The following FRAS1 variants were observed in gnomAD, a reference collection of about 807,000 sequenced individuals.
FRAS1 encodes extracellular matrix organizing protein FRAS1.
FRAS1 carries 290 observed loss-of-function variants against 435.2 expected under a neutral mutation model. The observed-to-expected ratio is 0.67, with a 90% CI of 0.61 to 0.73. The LOEUF is 0.73. FRAS1 is among the 30% of genes least tolerant of loss of function. The pLI is 0.00. For missense variants in FRAS1, 4,860 were observed against 5,001.5 expected (o/e 0.97, Z 0.85); for synonymous variants, 1,800 against 1,851.0 (o/e 0.97, Z 0.71).
chr4:78,371,245 A>G (rs375924852), intron 23 of FRAS1, among the ~76,000 whole-genome samples: 4 of 152,268 alleles, frequency 2.6e-5, no homozygotes, highest in African/African-American at 9.6e-5. Context: ...TGATTCAGCT[A>G]AATAAAGGAA....
intron 10 of FRAS1, among the ~76,000 whole-genome samples, chr4:78,279,941 T>C (rs1322007025): frequency 2.0e-5 from 3 of 152,192 alleles, no homozygotes; most frequent in African/African-American, 4.8e-5. Context: ...CTGTTCATGT[T>C]TTCCACCGAC....
At chr4:78,456,632 C>T (rs939728752) in intron 47 of FRAS1, among the ~76,000 whole-genome samples, 5 of 152,082 alleles carry the variant, frequency 3.3e-5, no homozygotes, top group South Asian at 4.1e-4. Context: ...AGGGATAGGG[C>T]GTTTGGTTGT....
At chr4:78,059,344 T>C (rs1188202801) in intron 1 of FRAS1, among the ~76,000 whole-genome samples, 1 of 152,074 alleles carries the variant, frequency 6.6e-6, no homozygotes, top group Non-Finnish European at 1.5e-5. Context: ...TGGGGGACTT[T>C]CCCGTGGGTC....
chr4:78,143,278 A>T (rs988076625), intron 2 of FRAS1, among the ~76,000 whole-genome samples: 1 of 152,346 alleles, frequency 6.6e-6, no homozygotes, highest in South Asian at 2.1e-4. Context: ...CAATCCACTA[A>T]GAAGATGTAC....
intron 1 of FRAS1, among the ~76,000 whole-genome samples, 172 bp downstream of exon 1, chr4:78,058,257 A>C (rs1739572426): frequency 2.0e-5 from 3 of 152,054 alleles, no homozygotes. Context: ...TTTTTCTGAT[A>C]AGATTCCTAC....
chr4:78,119,066 A>G (rs1362032057), intron 2 of FRAS1, among the ~76,000 whole-genome samples: 5 of 152,178 alleles, frequency 3.3e-5, no homozygotes, highest in Non-Finnish European at 7.3e-5. Flanking sequence ...TGTTCTTTTA[A>G]AAAAATAATT....
At chr4:78,487,012 G>A (rs1720191261) in intron 58 of FRAS1, among the ~76,000 whole-genome samples, 1 of 152,120 alleles carries the variant, frequency 6.6e-6, no homozygotes, top group African/African-American at 2.4e-5. Context: ...TGTCAGGCCA[G>A]CAAGAAAAAA....
intron 2 of FRAS1, among the ~76,000 whole-genome samples, chr4:78,116,174 A>T (rs1275327282): frequency 6.6e-6 from 1 of 152,150 alleles, no homozygotes; most frequent in Admixed American, 6.6e-5. Flanking sequence ...TTCTAGTTTG[A>T]TTGCCCTGTG....
At chr4:78,295,323 A>G (rs561751304) in intron 14 of FRAS1, among the ~76,000 whole-genome samples, 2 of 152,336 alleles carry the variant, frequency 1.3e-5, no homozygotes, top group East Asian at 3.9e-4. Context: ...GTAACATATT[A>G]TACTCTTTTA....
At chr4:78,454,155 G>A (rs941257620) in intron 47 of FRAS1, among the ~76,000 whole-genome samples, 8 of 146,928 alleles carry the variant, frequency 5.4e-5, no homozygotes, top group African/African-American at 1.8e-4. Context: ...AAGCCAGGTA[G>A]CTGGCCACGC....
At position 78,250,100 on chromosome 4, in the gene FRAS1, TAAATGACTCATTAGATATTTTAAACAA is replaced by T. The variant is rs1725463389; in HGVS notation, c.310-2291_310-2265del. On this transcript the variant is annotated intron_variant, in intron 4 of 73. Transcript: ENST00000512123. Reference sequence around the variant, plus strand: ...ACATTAATTTTGACTTTAAGATATATAAATGACTCATTAGATATTTTAAACAATAATTTGCTTTCTGATGACAAAAAA... The same window carrying T: ...ACATTAATTTTGACTTTAAGATATATTAATTTGCTTTCTGATGACAAAAAA... 5.9e-5 allele frequency among the ~76,000 whole-genome samples: 9 copies of T among 152,190 alleles called. No homozygotes were observed. The South Asian group carries it at 1.9e-3, about 32-fold the overall frequency.
chr4:78,483,770 C>A (rs112196875), intron 58 of FRAS1, among the ~76,000 whole-genome samples: 16,211 of 39,178 alleles, frequency 0.41, 2,783 homozygotes, highest in East Asian at 0.57. Context: ...AAAAAAAACT[C>A]TCTCTCTCTC....
intron 59 of FRAS1, among the ~76,000 whole-genome samples, chr4:78,493,653 C>G (rs1720431120): frequency 6.6e-6 from 1 of 151,810 alleles, no homozygotes; most frequent in Non-Finnish European, 1.5e-5. Flanking sequence ...CGGGGCCTGT[C>G]TGGGTGGTGG....
intron 70 of FRAS1, among the ~76,000 whole-genome samples, chr4:78,526,924 G>A (rs1721552346): frequency 6.6e-6 from 1 of 151,966 alleles, no homozygotes; most frequent in Admixed American, 6.6e-5. Context: ...CATGTTTTTT[G>A]CATTTTTGTG....
intron 27 of FRAS1, among the ~76,000 whole-genome samples, chr4:78,381,369 T>C (rs1732009132): frequency 6.6e-6 from 1 of 152,206 alleles, no homozygotes. Flanking sequence ...AGTGGCACGA[T>C]CTTGGCTCAC....
Position 78,354,706 on chromosome 4 carries a change from C to G in FRAS1, c.2423-8807C>G, listed in dbSNP as rs145781328. Reference sequence around the variant, plus strand: ...CACTTAATGTCGTTGCATTAAGAACCTAATGGACTGACAGGACATTATTAA... The same window carrying G: ...CACTTAATGTCGTTGCATTAAGAACGTAATGGACTGACAGGACATTATTAA... On this transcript the variant is annotated intron_variant, in intron 20 of 73. Transcript: ENST00000512123. Among the ~76,000 whole-genome samples, 58 of 152,282 alleles carry G rather than the reference C, an allele frequency of 3.8e-4. No homozygotes were observed. In the East Asian group the frequency reaches 0.011, roughly 29 times the overall value.
At chr4:78,285,730 G>C (rs534435083) in intron 13 of FRAS1, among the ~76,000 whole-genome samples, 4 of 152,024 alleles carry the variant, frequency 2.6e-5, no homozygotes, top group Admixed American at 2.6e-4. Flanking sequence ...CTGCCACCTG[G>C]TATCTTCCAC....
intron 51 of FRAS1, among the ~76,000 whole-genome samples, chr4:78,471,045 G>A (rs991714011): frequency 6.6e-6 from 1 of 152,188 alleles, no homozygotes; most frequent in Admixed American, 6.5e-5. Flanking sequence ...AATATCGAGT[G>A]TCTACCATAA....
chr4:78,284,549 G>T lies in FRAS1; in HGVS notation c.1399+1G>T. Reference sequence around the variant, plus strand: ...TACCAAGCTGGCAGTCTCTGTTTAGGTATGGCTCCAAGTGGACAACCCAGA... The same window carrying T: ...TACCAAGCTGGCAGTCTCTGTTTAGTTATGGCTCCAAGTGGACAACCCAGA... On this transcript the variant is annotated splice_donor_variant, in intron 13 of 73. Transcript: ENST00000512123. LOFTEE classifies it high-confidence loss of function. 1.2e-6 allele frequency: 2 copies of T among 1,607,536 alleles called. No homozygotes were observed. Among genetic ancestry groups the T allele is most frequent in the Non-Finnish European group, 1.7e-6 (2 of 1,176,956 alleles).
Sources: gnomAD v4.1 joint callset for allele counts (sites outside exome capture counted in the v4.1 genomes callset) on GRCh38, gnomAD v4.1.1 for gene constraint, MANE v1.5 for transcripts, NCBI Gene and HGNC (gene_info 2026-07-23, HGNC 2026-07-21) for gene names.